The following LSAMP variants were observed in gnomAD, a reference collection of about 807,000 sequenced individuals.
LSAMP encodes the protein limbic system associated membrane protein, also known as limbic system-associated membrane protein.
In LSAMP, 7 loss-of-function variants were observed where a neutral mutation model predicts 38.6. The observed-to-expected ratio is 0.18, with a 90% CI of 0.10 to 0.34. The LOEUF is 0.34. LSAMP is among the 10% of genes least tolerant of loss of function. The probability of loss-of-function intolerance (pLI) is 1.00; values close to 1 mark genes in which losing one functional copy is unlikely to be tolerated. For missense variants in LSAMP, 313 were observed against 420.0 expected (o/e 0.75, Z 2.23); for synonymous variants, 154 against 166.8 (o/e 0.92, Z 0.59).
At chr3:115,864,327 A>C (rs921630658) in intron 3 of LSAMP, among the ~76,000 whole-genome samples, 2 of 152,142 alleles carry the variant, frequency 1.3e-5, no homozygotes, top group African/African-American at 4.8e-5. Context: ...GCTGGGACTA[A>C]AGTTGAGCTA....
At chr3:116,404,138 A>T (rs959059430) in intron 1 of LSAMP, among the ~76,000 whole-genome samples, 17 of 152,154 alleles carry the variant, frequency 1.1e-4, no homozygotes, top group African/African-American at 4.1e-4. Flanking sequence ...TCATGGTAAA[A>T]ATTCACCATT....
chr3:116,108,846 T>C (rs1010217950), intron 1 of LSAMP, among the ~76,000 whole-genome samples: 11 of 152,168 alleles, frequency 7.2e-5, no homozygotes, highest in Admixed American at 2.6e-4. Context: ...TGGAAGTTCT[T>C]GTGTGCTGGA....
chr3:116,373,226 T>C (rs1223096444), intron 1 of LSAMP, among the ~76,000 whole-genome samples: 1 of 151,416 alleles, frequency 6.6e-6, no homozygotes, highest in East Asian at 1.9e-4. Flanking sequence ...TGTATATATA[T>C]ATATATGCAC....
intron 1 of LSAMP, among the ~76,000 whole-genome samples, chr3:116,139,089 T>C (rs1004836520): frequency 6.6e-6 from 1 of 151,900 alleles, no homozygotes; most frequent in African/African-American, 2.4e-5. Context: ...CAGGAGGGTC[T>C]TTAAAGGGCT....
chr3:115,867,998 G>T (rs1167573486), intron 3 of LSAMP, among the ~76,000 whole-genome samples: 4 of 152,056 alleles, frequency 2.6e-5, no homozygotes, highest in African/African-American at 9.7e-5. Context: ...AAGGACTGGA[G>T]GTCCAAAATA....
chr3:116,351,127 T>C (rs543252746), intron 1 of LSAMP, among the ~76,000 whole-genome samples: 31 of 152,102 alleles, frequency 2.0e-4, no homozygotes, highest in Middle Eastern at 3.4e-3. Flanking sequence ...GAGAGTTTAT[T>C]GAAAGAGTTT....
Position 115,810,068 on chromosome 3 carries a change from C to T in LSAMP, c.*249G>A, listed in dbSNP as rs1355487654. 1 of 440,848 alleles carries T rather than the reference C, an allele frequency of 2.3e-6. No homozygotes were observed. The highest frequency in any genetic ancestry group is 4.4e-5 in the East Asian group (1 of 22,922). 27.3% of individuals were successfully genotyped at this position (440,848 alleles called of 1,614,324 possible). Reference sequence around the variant, plus strand: ...CATACATTTGCTTAGTAGATATAAACATATCCCAGTAGAACCTTCTCCATC... The same window carrying T: ...CATACATTTGCTTAGTAGATATAAATATATCCCAGTAGAACCTTCTCCATC... On this transcript the variant is annotated 3_prime_UTR_variant, in exon 7 of 7. Transcript: ENST00000490035.
chr3:116,388,969 G>C (rs2048659127), intron 1 of LSAMP, among the ~76,000 whole-genome samples: 1 of 152,194 alleles, frequency 6.6e-6, no homozygotes, highest in African/African-American at 2.4e-5. Context: ...TAGGAGGCCA[G>C]GCCAGAGAAA....
At chr3:116,215,456 CAAG>C (rs2046208477) in intron 1 of LSAMP, among the ~76,000 whole-genome samples, 1 of 151,834 alleles carries the variant, frequency 6.6e-6, no homozygotes, top group African/African-American at 2.4e-5. Context: ...CCCGCTGCTG[CAAG>C]AAGAAGAGAA....
intron 1 of LSAMP, among the ~76,000 whole-genome samples, chr3:116,121,867 TTA>T (rs1708883460): frequency 6.8e-6 from 1 of 147,678 alleles, no homozygotes; most frequent in Non-Finnish European, 1.5e-5. Flanking sequence ...TCTTAAAACA[TTA>T]TGAGATTTTT....
rs550085215 is a variant in LSAMP, at chr3:116,423,475, G to C, written c.155+21402C>G. On this transcript the variant is annotated intron_variant, in intron 1 of 6. Transcript: ENST00000490035. Reference sequence around the variant, plus strand: ...GAGGAAAGCAATGTTAAAGATGTTTGCACACATTCCTCTGGGGGATAGAGA... The same window carrying C: ...GAGGAAAGCAATGTTAAAGATGTTTCCACACATTCCTCTGGGGGATAGAGA... Among the ~76,000 whole-genome samples, 5 of 152,284 alleles carry C rather than the reference G, an allele frequency of 3.3e-5. No homozygotes were observed. The South Asian group carries it at 1.0e-3, about 32-fold the overall frequency.
intron 3 of LSAMP, among the ~76,000 whole-genome samples, chr3:115,902,713 TACA>T (rs1936908817): frequency 6.6e-6 from 1 of 152,040 alleles, no homozygotes; most frequent in South Asian, 2.1e-4. Context: ...AAAGAAGACA[TACA>T]TACAGCCAAC....
At chr3:116,077,132 T>C (rs1707761803) in intron 2 of LSAMP, among the ~76,000 whole-genome samples, 1 of 151,994 alleles carries the variant, frequency 6.6e-6, no homozygotes, top group African/African-American at 2.4e-5. Context: ...AGTGTTTTTC[T>C]AGTTAATCAT....
At chr3:116,201,031 AG>A (rs2045981200) in intron 1 of LSAMP, among the ~76,000 whole-genome samples, 1 of 152,256 alleles carries the variant, frequency 6.6e-6, no homozygotes. Context: ...TTAACAAGTG[AG>A]GAGCACGCTT....
chr3:115,904,976 GT>G (rs1474287848), intron 3 of LSAMP, among the ~76,000 whole-genome samples: 15 of 152,128 alleles, frequency 9.9e-5, no homozygotes, highest in African/African-American at 3.4e-4. Flanking sequence ...TATTATAACA[GT>G]TTGTTTTCCT....
chr3:115,838,435 G>A (rs1934867711), intron 6 of LSAMP, among the ~76,000 whole-genome samples: 1 of 152,190 alleles, frequency 6.6e-6, no homozygotes, highest in South Asian at 2.1e-4. Context: ...ACTTGTCTTG[G>A]TATCACTCGA....
chr3:115,958,531 G>A lies in LSAMP; in HGVS notation c.514+60984C>T, dbSNP rs1938526354. Among the ~76,000 whole-genome samples, 4 of 152,108 alleles carry A rather than the reference G, an allele frequency of 2.6e-5. No homozygotes were observed. In the South Asian group the frequency reaches 6.2e-4, roughly 24 times the overall value. On this transcript the variant is annotated intron_variant, in intron 3 of 6. Coordinates refer to ENST00000490035, the MANE Select transcript of LSAMP (RefSeq NM_002338.5). ...CCTGTGTGAGAAATGAGGAGAAAAT[G>A]GAGGTTGATATGAGGTTGATATAAC...
At chr3:116,215,686 T>G (rs1166171836) in intron 1 of LSAMP, among the ~76,000 whole-genome samples, 1 of 152,156 alleles carries the variant, frequency 6.6e-6, no homozygotes, top group Non-Finnish European at 1.5e-5. Flanking sequence ...GAGATGCATT[T>G]AATTAGAGAA....
chr3:116,056,499 G>T (rs6778817), intron 2 of LSAMP, among the ~76,000 whole-genome samples: 35,982 of 151,988 alleles, frequency 0.24, 4,364 homozygotes, highest in Admixed American at 0.28. Context: ...TGTCATAATG[G>T]TACTTATTAT....
Sources: allele counts gnomAD v4.1 joint callset (sites outside exome capture counted in the v4.1 genomes callset), GRCh38; gene constraint gnomAD v4.1.1; transcripts MANE v1.5; gene names NCBI Gene and HGNC (gene_info 2026-07-23, HGNC 2026-07-21).